CTCF: variants seen among roughly 807,000 people sequenced by gnomAD.
CTCF encodes transcriptional repressor CTCF.
Under a neutral mutation model 72.3 loss-of-function variants are expected in CTCF, and 7 were observed. The observed-to-expected ratio is 0.10, with a 90% confidence interval of 0.06 to 0.18. The LOEUF is 0.18. Among genes scored for constraint, CTCF ranks in the 10% least tolerant of loss-of-function variants. CTCF has a pLI of 1.00. For synonymous variants in CTCF, 374 were observed against 315.8 expected (o/e 1.18, Z -1.95); for missense variants, 516 against 949.1 (o/e 0.54, Z 6.00).
rs112281556 is a variant in CTCF, at chr16:67,625,441, C to T, written c.1358-1114C>T. ...TCTTGAACTCGTCACCTCAGGTGAT[C>T]CACCTGCCATGGCCTCCCAAAGTGC... On this transcript the variant is annotated intron_variant, in intron 7 of 11. Coordinates refer to ENST00000264010, the MANE Select transcript of CTCF (RefSeq NM_006565.4). 9.6e-3 allele frequency among the ~76,000 whole-genome samples: 1,462 copies of T among 152,310 alleles called. 26 individuals are homozygous for T. The highest frequency in any genetic ancestry group is 0.033 in the African/African-American group (1,360 of 41,564).
chr16:67,629,196 C>T (rs1041979569), intron 9 of CTCF, among the ~76,000 whole-genome samples: 3 of 151,980 alleles, frequency 2.0e-5, no homozygotes, highest in Admixed American at 6.6e-5. Flanking sequence ...GATCCTCCCC[C>T]GTCTCTGTCT....
At chr16:67,601,301 GT>G (rs2051887313) in intron 2 of CTCF, among the ~76,000 whole-genome samples, 1 of 124,894 alleles carries the variant, frequency 8.0e-6, no homozygotes, top group African/African-American at 3.0e-5. Context: ...CACCGTGTGT[GT>G]GTGTGTGTGT....
intron 2 of CTCF, among the ~76,000 whole-genome samples, chr16:67,607,381 C>A (rs948524104): frequency 6.6e-6 from 1 of 152,202 alleles, no homozygotes; most frequent in East Asian, 1.9e-4. Context: ...TCTCAGCTCG[C>A]TGCAACCTCC....
In CTCF at chr16:67,572,947, G is replaced by GCC. The variant is rs1359051975; in HGVS notation, c.-10+1693_-10+1694dup. Among the ~76,000 whole-genome samples the GCC allele has an allele frequency of 5.2e-3, 215 of 41,492 alleles. 5 individuals carry two copies. The highest frequency in any genetic ancestry group is 0.01 in the African/African-American group (116 of 11,352). 27.2% of individuals were successfully genotyped at this position (41,492 alleles called of 152,430 possible). A position where few individuals can be genotyped will look rare whatever the true frequency, so the allele number is the denominator to read the frequency against. On this transcript the variant is annotated intron_variant, in intron 2 of 11. Transcript: ENST00000264010. ...AGAGTGACTCTGTCTGCCCCCCCCCGCCCCCCCCCCCAAAACAACAAAAGA... is the reference window on the plus strand; with the variant it reads ...AGAGTGACTCTGTCTGCCCCCCCCCGCCCCCCCCCCCCCAAAACAACAAAAGA...
rs1336780609 is a variant in CTCF at position 67,595,808 on chromosome 16, GAACA to G, written c.-9-15011_-9-15008del. Among the ~76,000 whole-genome samples the G allele has an allele frequency of 4.6e-5, 7 of 152,014 alleles. No individual in the cohort carries two copies. The South Asian group carries it at 1.2e-3, about 27-fold the overall frequency. ...TGTCCGCCCTCCCTTTTTAAATATA[GAACA>G]AACATTTTCTCCATATTATGTATTA... On this transcript the variant is annotated intron_variant, in intron 2 of 11. Transcript: ENST00000264010.
chr16:67,587,099 CAT>C (rs1491302350), intron 2 of CTCF, among the ~76,000 whole-genome samples: 4 of 127,586 alleles, frequency 3.1e-5, no homozygotes, highest in Non-Finnish European at 6.7e-5. Flanking sequence ...ACTTCTTAAA[CAT>C]TTTTTTTTTT....
rs868816440 is a variant in CTCF at position 67,601,856 on chromosome 16, T to C, written c.-9-8968T>C. 6.0e-5 allele frequency among the ~76,000 whole-genome samples: 9 copies of C among 148,848 alleles called. No individual in the cohort carries two copies. In the East Asian group the frequency reaches 6.1e-4, roughly 10 times the overall value. ...CTCTTTTAGGTTGGACTCGGTTGTTTACAAGCAATTTTTTTTTTTTTTTTT... is the reference window on the plus strand; with the variant it reads ...CTCTTTTAGGTTGGACTCGGTTGTTCACAAGCAATTTTTTTTTTTTTTTTT... On this transcript the variant is annotated intron_variant, in intron 2 of 11. Transcript: ENST00000264010.
intron 2 of CTCF, among the ~76,000 whole-genome samples, chr16:67,571,619 C>T (rs1274832625): frequency 6.6e-6 from 1 of 152,136 alleles, no homozygotes; most frequent in African/African-American, 2.4e-5. Context: ...GGCTGCTTTT[C>T]TGTAGAAACC....
intron 1 of CTCF, among the ~76,000 whole-genome samples, chr16:67,565,441 A>G (rs2051330646): frequency 6.6e-6 from 1 of 152,036 alleles, no homozygotes; most frequent in Non-Finnish European, 1.5e-5. Flanking sequence ...TTGGGTGACC[A>G]AGGCGGGAGA....
At chr16:67,565,210 C>G (rs765449463) in intron 1 of CTCF, among the ~76,000 whole-genome samples, 1 of 151,900 alleles carries the variant, frequency 6.6e-6, no homozygotes, top group Non-Finnish European at 1.5e-5. Context: ...CGATGTTGGC[C>G]AGGCTGGTCT....
chr16:67,623,785 C>T (rs1215226214), intron 7 of CTCF, among the ~76,000 whole-genome samples: 2 of 152,054 alleles, frequency 1.3e-5, no homozygotes, highest in East Asian at 3.9e-4. Context: ...CACGGTGGCT[C>T]ACGCCTCTAA....
At chr16:67,582,567 C>T (rs113231690) in intron 2 of CTCF, among the ~76,000 whole-genome samples, 2,859 of 151,958 alleles carry the variant, frequency 0.019, 35 homozygotes, top group Non-Finnish European at 0.03. Flanking sequence ...GTGGTGGGTG[C>T]CTGTAATCCC....
chr16:67,589,706 CT>C (rs1339663256), intron 2 of CTCF, among the ~76,000 whole-genome samples: 2 of 152,162 alleles, frequency 1.3e-5, no homozygotes, highest in Non-Finnish European at 1.5e-5. Context: ...AAGACTACCC[CT>C]AGTACATATG....
intron 6 of CTCF, 163 bp from the exon 7 acceptor site, chr16:67,621,279 T>C (rs953244659): frequency 1.2e-5 from 7 of 572,474 alleles, no homozygotes; most frequent in Non-Finnish European, 2.2e-5. Flanking sequence ...GACTTGGCCA[T>C]ATCTGAAGAT....
chr16:67,591,203 A>G (rs2051739212), intron 2 of CTCF, among the ~76,000 whole-genome samples: 1 of 151,864 alleles, frequency 6.6e-6, no homozygotes, highest in South Asian at 2.1e-4. Flanking sequence ...TGAGGCTGAG[A>G]ATTGCTTGAA....
Position 67,638,689 on chromosome 16 carries a change from G to T in CTCF, c.*817G>T. 1 of 229,256 alleles carries T rather than the reference G, an allele frequency of 4.4e-6. No individual in the cohort carries two copies. Among genetic ancestry groups the T allele is most frequent in the Non-Finnish European group, 8.7e-6 (1 of 115,328 alleles). The allele number at this position is 229,256 out of a possible 1,614,324, so 14.2% of individuals were successfully genotyped here. On this transcript the variant is annotated 3_prime_UTR_variant, in exon 12 of 12. Transcript: ENST00000264010. ...TTGAACCTTGTATAATTAACTTTCA[G>T]TTATGATTTCCCATCGACATTTTCT...
At chr16:67,595,072 T>G (rs970917064) in intron 2 of CTCF, among the ~76,000 whole-genome samples, 9 of 152,216 alleles carry the variant, frequency 5.9e-5, no homozygotes, top group African/African-American at 2.2e-4. Context: ...GATGGAGAAT[T>G]TGGACCTGAT....
chr16:67,577,286 G>T (rs1319506655), intron 2 of CTCF, among the ~76,000 whole-genome samples: 1 of 150,516 alleles, frequency 6.6e-6, no homozygotes, highest in Non-Finnish European at 1.5e-5. Context: ...GCATGGTGGC[G>T]GGCGCCTGTA....
intron 2 of CTCF, among the ~76,000 whole-genome samples, chr16:67,605,581 G>A (rs1356387415): frequency 6.6e-6 from 1 of 152,220 alleles, no homozygotes; most frequent in East Asian, 1.9e-4. Context: ...AGATGGTGGG[G>A]TTTGCTGAAT....
Sources: allele counts gnomAD v4.1 joint callset (sites outside exome capture counted in the v4.1 genomes callset), GRCh38; gene constraint gnomAD v4.1.1; transcripts MANE v1.5; gene names NCBI Gene and HGNC (gene_info 2026-07-23, HGNC 2026-07-21).